The following DCC variants were observed in gnomAD, a reference collection of about 807,000 sequenced individuals.
The protein encoded by DCC is netrin receptor DCC.
Under a neutral mutation model 172.5 loss-of-function variants are expected in DCC, and 58 were observed. The observed-to-expected ratio is 0.34, with a 90% CI of 0.27 to 0.42. DCC has a LOEUF of 0.42. DCC is among the 10% of genes least tolerant of loss of function. The pLI, the probability that DCC is intolerant of heterozygous loss-of-function variation, is 1.00. For missense variants in DCC, 1,740 were observed against 1,791.0 expected (o/e 0.97, Z 0.51); for synonymous variants, 709 against 644.5 (o/e 1.10, Z -1.52).
At chr18:53,134,021 A>G (rs1405476923) in intron 7 of DCC, among the ~76,000 whole-genome samples, 1 of 152,208 alleles carries the variant, frequency 6.6e-6, no homozygotes, top group Non-Finnish European at 1.5e-5. Flanking sequence ...TAATGGAGTC[A>G]GATGGGGTGG....
intron 1 of DCC, among the ~76,000 whole-genome samples, chr18:52,659,836 T>C (rs1320512094): frequency 6.6e-6 from 1 of 152,026 alleles, no homozygotes; most frequent in Non-Finnish European, 1.5e-5. Flanking sequence ...GCAACCACCG[T>C]GACCATGGAT....
intron 26 of DCC, among the ~76,000 whole-genome samples, chr18:53,495,476 C>T (rs191781792): frequency 7.8e-4 from 119 of 152,020 alleles, no homozygotes; most frequent in East Asian, 1.2e-3. Context: ...GAGTTTCTGC[C>T]GAGAGATCCG....
At chr18:53,049,875 A>G (rs940958744) in intron 5 of DCC, among the ~76,000 whole-genome samples, 1 of 152,092 alleles carries the variant, frequency 6.6e-6, no homozygotes, top group South Asian at 2.1e-4. Flanking sequence ...GACTCACATG[A>G]TCACTAGGTG....
intron 2 of DCC, among the ~76,000 whole-genome samples, chr18:52,764,261 G>T (rs1192212265): frequency 6.6e-6 from 1 of 152,196 alleles, no homozygotes; most frequent in Non-Finnish European, 1.5e-5. Context: ...GAATAGTGAC[G>T]AGTTGACACT....
chr18:52,524,404 G>A (rs2031915714), intron 1 of DCC, among the ~76,000 whole-genome samples: 1 of 152,134 alleles, frequency 6.6e-6, no homozygotes, highest in South Asian at 2.1e-4. Flanking sequence ...TGCTTTAAAA[G>A]TATAACTGCA....
chr18:53,010,399 C>T (rs1179897190), intron 5 of DCC, among the ~76,000 whole-genome samples: 1 of 151,606 alleles, frequency 6.6e-6, no homozygotes, highest in Non-Finnish European at 1.5e-5. Flanking sequence ...GAAACACACC[C>T]AATATTTATT....
chr18:53,513,144 G>A (rs187457128), intron 27 of DCC, among the ~76,000 whole-genome samples: 59 of 152,280 alleles, frequency 3.9e-4, no homozygotes, highest in Middle Eastern at 3.4e-3. Context: ...AAAAGAGAGT[G>A]GGGGCCAATA....
intron 21 of DCC, among the ~76,000 whole-genome samples, chr18:53,433,983 A>T (rs1911790385): frequency 6.6e-6 from 1 of 152,196 alleles, no homozygotes; most frequent in Non-Finnish European, 1.5e-5. Context: ...AATTGTGAAT[A>T]TAGAGTCAGT....
At chr18:52,851,448 CCA>C (rs1169435587) in intron 2 of DCC, among the ~76,000 whole-genome samples, 3 of 152,032 alleles carry the variant, frequency 2.0e-5, no homozygotes, top group Admixed American at 6.6e-5. Flanking sequence ...CTGCAATAAA[CCA>C]CAGTCTCCAT....
chr18:52,585,551 T>C (rs2033649644), intron 1 of DCC, among the ~76,000 whole-genome samples: 1 of 152,144 alleles, frequency 6.6e-6, no homozygotes, highest in South Asian at 2.1e-4. Flanking sequence ...TGGTTTCCAG[T>C]CAGGAAAAGG....
intron 1 of DCC, among the ~76,000 whole-genome samples, chr18:52,615,894 T>C (rs1882017350): frequency 6.6e-6 from 1 of 152,186 alleles, no homozygotes; most frequent in African/African-American, 2.4e-5. Context: ...TCAATGTGTA[T>C]ACATTTATAT....
At chr18:52,539,105 T>C (rs1256245454) in intron 1 of DCC, among the ~76,000 whole-genome samples, 1 of 152,180 alleles carries the variant, frequency 6.6e-6, no homozygotes, top group Admixed American at 6.5e-5. Flanking sequence ...TGAACTGGCA[T>C]TGGGATTTCA....
chr18:52,470,242 G>T (rs1988908791), intron 1 of DCC, among the ~76,000 whole-genome samples: 1 of 152,216 alleles, frequency 6.6e-6, no homozygotes, highest in African/African-American at 2.4e-5. Flanking sequence ...CCCTGGCTCA[G>T]TTAGCTGTAG....
intron 5 of DCC, among the ~76,000 whole-genome samples, chr18:52,945,240 C>T (rs2040525458): frequency 6.6e-6 from 1 of 152,014 alleles, no homozygotes; most frequent in Non-Finnish European, 1.5e-5. Context: ...GAAAAAATAC[C>T]TTTCTAAGAT....
intron 9 of DCC, among the ~76,000 whole-genome samples, chr18:53,195,662 G>A (rs2055432574): frequency 6.7e-6 from 1 of 148,656 alleles, no homozygotes; most frequent in Non-Finnish European, 1.5e-5. Context: ...TGTCAAGTAT[G>A]TTACCCATTC....
chr18:52,777,861 G>A (rs2037462391), intron 2 of DCC, among the ~76,000 whole-genome samples: 1 of 152,152 alleles, frequency 6.6e-6, no homozygotes, highest in African/African-American at 2.4e-5. Context: ...GAAATGCCAA[G>A]TGTATCTATG....
At chr18:52,389,400 G>A (rs1985942249) in intron 1 of DCC, among the ~76,000 whole-genome samples, 1 of 152,000 alleles carries the variant, frequency 6.6e-6, no homozygotes, top group African/African-American at 2.4e-5. Context: ...AATTTAACTG[G>A]ACGTCTTGGA....
At chr18:53,474,795 G>T (rs573600882) in intron 25 of DCC, among the ~76,000 whole-genome samples, 4 of 152,236 alleles carry the variant, frequency 2.6e-5, no homozygotes, top group African/African-American at 9.6e-5. Context: ...ACTCAAAAAT[G>T]TGGAAGTGAC....
At chr18:53,063,164 ATAAGC>A in intron 5 of DCC, 136 bp from the exon 6 acceptor site, 1 of 875,242 alleles carries the variant, frequency 1.1e-6, no homozygotes, top group Non-Finnish European at 1.9e-6. Context: ...TTCCTGTATA[ATAAGC>A]TAAGAGCTTA....
Sources: allele counts gnomAD v4.1 joint callset (sites outside exome capture counted in the v4.1 genomes callset), GRCh38; gene constraint gnomAD v4.1.1; transcripts MANE v1.5; gene names NCBI Gene and HGNC (gene_info 2026-07-23, HGNC 2026-07-21).